BZW2: variants seen among roughly 807,000 people sequenced by gnomAD.
The protein encoded by BZW2 is eIF5-mimic protein 1.
A neutral mutation model predicts 53.2 loss-of-function variants in BZW2; 23 were observed. That is an observed-to-expected ratio of 0.43 (90% CI 0.31 to 0.61). The LOEUF (loss-of-function observed/expected upper bound fraction) is 0.61. BZW2 is among the 20% of genes least tolerant of loss of function. The pLI is 0.09. For missense variants in BZW2, 409 were observed against 503.1 expected (o/e 0.81, Z 1.79); for synonymous variants, 227 against 186.4 (o/e 1.22, Z -1.77).
intron 1 of BZW2, among the ~76,000 whole-genome samples, chr7:16,654,388 G>A (rs1210854165): frequency 6.6e-6 from 1 of 151,782 alleles, no homozygotes; most frequent in Non-Finnish European, 1.5e-5. Context: ...TAAAGATTCA[G>A]AGAATATCAC....
chr7:16,693,241 T>TC (rs935416733), intron 7 of BZW2, among the ~76,000 whole-genome samples: 65 of 152,146 alleles, frequency 4.3e-4, no homozygotes, highest in African/African-American at 1.5e-3. Flanking sequence ...CGGTATGGTT[T>TC]CTCTAAAAAA....
At chr7:16,675,372 C>T (rs1394711917) in intron 3 of BZW2, among the ~76,000 whole-genome samples, 1 of 152,152 alleles carries the variant, frequency 6.6e-6, no homozygotes, top group East Asian at 1.9e-4. Context: ...AGGTATTTGT[C>T]TACCTGCTAT....
chr7:16,689,593 T>C (rs1399763511), intron 6 of BZW2, among the ~76,000 whole-genome samples: 2 of 152,238 alleles, frequency 1.3e-5, no homozygotes, highest in African/African-American at 4.8e-5. Flanking sequence ...TGAAAAATAT[T>C]TTAATTTATT....
In BZW2 at chr7:16,688,565, G is replaced by T. The variant is rs559489546; in HGVS notation, c.542-1232G>T. 8 of 152,262 alleles carry T rather than the reference G, an allele frequency of 5.3e-5. No homozygotes were observed. The East Asian group carries it at 1.5e-3, about 29-fold the overall frequency. The allele number at this position is 152,262 out of a possible 1,614,324, so 9.4% of individuals were successfully genotyped here. ...AGACTAATCAGTAGTCACCTGGACT[G>T]GATAAAAGGGGACCTCTTTTAGGAA... On this transcript the variant is annotated intron_variant, in intron 6 of 11. Coordinates refer to ENST00000258761, the MANE Select transcript of BZW2 (RefSeq NM_014038.3).
chr7:16,698,368 A>G (rs1783569684), intron 10 of BZW2, 182 bp downstream of exon 10: 6 of 755,144 alleles, frequency 7.9e-6, no homozygotes, highest in Middle Eastern at 3.2e-4. Flanking sequence ...TACACGCCAT[A>G]TATGCGTTGC....
At chr7:16,689,767 G>C (rs1388202206) in intron 6 of BZW2, 30 bp from the exon 7 acceptor site, 5 of 1,568,382 alleles carry the variant, frequency 3.2e-6, no homozygotes, top group Non-Finnish European at 4.4e-6. Context: ...GCTCGTAAAA[G>C]GAATGAAATT....
In BZW2 at chr7:16,665,517, G is replaced by T; in HGVS notation, c.58+16G>T. The T allele has an allele frequency of 1.2e-6, 2 of 1,612,584 alleles. No homozygotes were observed. The highest frequency in any genetic ancestry group is 1.7e-4 in the Middle Eastern group (1 of 6,054). On this transcript the variant is annotated intron_variant, in intron 2 of 11. Coordinates refer to ENST00000258761, the MANE Select transcript of BZW2 (RefSeq NM_014038.3). ...CGGAAAAGGGGTAGGTTGTGTGTGT[G>T]TGTGTGTGTGTGTTTAAAGTTGTAA...
At chr7:16,661,215 G>T (rs1554264743) in intron 1 of BZW2, 1 of 152,140 alleles carries the variant, frequency 6.6e-6, no homozygotes, top group Non-Finnish European at 1.5e-5. Context: ...TGGATAATTA[G>T]ACAGGAGCAG....
At chr7:16,676,383 T>C (rs1428579668) in intron 3 of BZW2, among the ~76,000 whole-genome samples, 1 of 152,058 alleles carries the variant, frequency 6.6e-6, no homozygotes, top group African/African-American at 2.4e-5. Context: ...ACCCTGTCTC[T>C]ACTAAAAATA....
At chr7:16,656,406 G>C (rs996501481) in intron 1 of BZW2, among the ~76,000 whole-genome samples, 3 of 152,222 alleles carry the variant, frequency 2.0e-5, no homozygotes, top group African/African-American at 7.2e-5. Context: ...TAAAACATCT[G>C]GAGTTGTAGT....
chr7:16,704,482 C>T (rs1404490327), intron 10 of BZW2, 65 bp from the exon 11 acceptor site: 1 of 1,418,150 alleles, frequency 7.1e-7, no homozygotes, highest in Non-Finnish European at 9.5e-7. Flanking sequence ...AACTGTAATA[C>T]ATGAAGTTGT....
Position 16,706,151 on chromosome 7 carries a change from C to A in BZW2, c.*63C>A. 1.9e-6 allele frequency: 3 copies of A among 1,543,552 alleles called. No individual in the cohort carries two copies. In the South Asian group the frequency reaches 3.5e-5, roughly 18 times the overall value. ...CACTTTTTGATTGGGAATGCTGAAC[C>A]ATTTGAGAAGAGAAACTTGGCTTCT... On this transcript the variant is annotated 3_prime_UTR_variant, in exon 12 of 12. Coordinates refer to ENST00000258761, the MANE Select transcript of BZW2 (RefSeq NM_014038.3).
chr7:16,654,892 TGATA>T (rs1782083360), intron 1 of BZW2, among the ~76,000 whole-genome samples: 1 of 152,150 alleles, frequency 6.6e-6, no homozygotes, highest in South Asian at 2.1e-4. Context: ...AAAGTTAGAC[TGATA>T]GATTTTTTCT....
At chr7:16,688,532 C>G (rs558241749) in intron 6 of BZW2, 2 of 152,262 alleles carry the variant, frequency 1.3e-5, no homozygotes, top group African/African-American at 2.4e-5. Flanking sequence ...GGGGTGGTAC[C>G]AGGACTTAGA....
intron 6 of BZW2, chr7:16,686,657 AAC>A (rs1783135508): frequency 6.6e-6 from 1 of 152,404 alleles, no homozygotes; most frequent in African/African-American, 2.4e-5. Flanking sequence ...TGCAACACAA[AAC>A]AGTTATTTTT....
chr7:16,663,578 A>T (rs1038219447), intron 1 of BZW2, among the ~76,000 whole-genome samples: 6 of 152,012 alleles, frequency 3.9e-5, no homozygotes, highest in African/African-American at 1.4e-4. Flanking sequence ...TACATAAATA[A>T]TTTTTTCATG....
In BZW2 at chr7:16,677,051, C is replaced by CTTT. The variant is rs10660587; in HGVS notation, c.235+2478_235+2480dup. On this transcript the variant is annotated intron_variant, in intron 3 of 11. Transcript: ENST00000258761. The stretch of plus-strand genomic sequence containing the variant: ...AGATTTATCTCTGTAGCCCAGATTT[C>CTTT]TTTTTTTTTTTTTTTTTGGCAGTTG... Among the ~76,000 whole-genome samples, 858 of 130,060 alleles carry CTTT rather than the reference C, an allele frequency of 6.6e-3. 10 individuals are homozygous for CTTT. The highest frequency in any genetic ancestry group is 0.017 in the Middle Eastern group (4 of 240). The allele number at this position is 130,060 out of a possible 152,430, so 85.3% of individuals were successfully genotyped here.
chr7:16,683,207 TAAAATA>T (rs1783008032), intron 5 of BZW2, among the ~76,000 whole-genome samples: 1 of 152,004 alleles, frequency 6.6e-6, no homozygotes, highest in African/African-American at 2.4e-5. Context: ...AAAAATAAAA[TAAAATA>T]AAATTTTACA....
At chr7:16,668,749 G>GTA (rs1782509495) in intron 2 of BZW2, among the ~76,000 whole-genome samples, 1 of 152,174 alleles carries the variant, frequency 6.6e-6, no homozygotes, top group South Asian at 2.1e-4. Context: ...GTATGACAAT[G>GTA]TATTTCTTAT....
Sources: allele counts gnomAD v4.1 joint callset (sites outside exome capture counted in the v4.1 genomes callset), GRCh38; gene constraint gnomAD v4.1.1; transcripts MANE v1.5; gene names NCBI Gene and HGNC (gene_info 2026-07-23, HGNC 2026-07-21).